ELL: variants seen among roughly 807,000 people sequenced by gnomAD.
ELL encodes the protein elongation factor for RNA polymerase II.
Under a neutral mutation model 64.0 loss-of-function variants are expected in ELL, and 18 were observed. That is an observed-to-expected ratio of 0.28 (90% CI 0.19 to 0.42). The LOEUF (loss-of-function observed/expected upper bound fraction) is 0.42, where lower values mean the gene tolerates loss of function less well. ELL is among the 10% of genes least tolerant of loss of function. The pLI, the probability that ELL is intolerant of heterozygous loss-of-function variation, is 1.00. For synonymous variants in ELL, 399 were observed against 376.2 expected, an observed-to-expected ratio of 1.06 and a Z score of -0.70; for missense variants, 797 against 870.4, an observed-to-expected ratio of 0.92 and a Z score of 1.06.
At chr19:18,496,631 C>T (rs1010875594) in intron 1 of ELL, among the ~76,000 whole-genome samples, 1 of 152,184 alleles carries the variant, frequency 6.6e-6, no homozygotes, top group African/African-American at 2.4e-5. Context: ...CAAGTCCAGG[C>T]ACAGGCCCTT....
chr19:18,444,931 C>A, intron 11 of ELL, 63 bp from the exon 12 acceptor site: 1 of 1,533,000 alleles, frequency 6.5e-7, no homozygotes, highest in Non-Finnish European at 8.8e-7. Context: ...CCGCTGTAAG[C>A]AGGCCAGTGT....
chr19:18,474,678 G>A (rs971605209), intron 1 of ELL, among the ~76,000 whole-genome samples: 2 of 152,242 alleles, frequency 1.3e-5, no homozygotes, highest in Non-Finnish European at 2.9e-5. Context: ...GTGCTACTGC[G>A]ACAAGGGGGG....
intron 11 of ELL, 50 bp from the exon 12 acceptor site, chr19:18,444,918 TCC>T (rs749369338): frequency 6.4e-7 from 1 of 1,562,754 alleles, no homozygotes; most frequent in South Asian, 1.2e-5. Context: ...TGGGTGCTGC[TCC>T]CCGCTGTAAG....
At chr19:18,495,985 C>T (rs755993310) in intron 1 of ELL, among the ~76,000 whole-genome samples, 51 of 152,244 alleles carry the variant, frequency 3.3e-4, no homozygotes, top group Non-Finnish European at 7.1e-4. Flanking sequence ...CTACCTGCTC[C>T]ACACAGTGGG....
At chr19:18,498,729 C>G (rs769148969) in intron 1 of ELL, among the ~76,000 whole-genome samples, 2 of 152,108 alleles carry the variant, frequency 1.3e-5, no homozygotes, top group Non-Finnish European at 2.9e-5. Flanking sequence ...GCGGGAGGAT[C>G]GCTTGAGCTC....
chr19:18,514,842 C>A (rs1247756246), intron 1 of ELL, among the ~76,000 whole-genome samples: 1 of 152,242 alleles, frequency 6.6e-6, no homozygotes, highest in African/African-American at 2.4e-5. Context: ...TTAAACAAGG[C>A]TGATGCCCCC....
chr19:18,512,617 A>G (rs951912605), intron 1 of ELL, among the ~76,000 whole-genome samples: 1 of 151,776 alleles, frequency 6.6e-6, no homozygotes, highest in African/African-American at 2.4e-5. Flanking sequence ...TCTATTTCAG[A>G]AAAAAAACAA....
At chr19:18,468,085 C>G (rs888409714) in intron 2 of ELL, among the ~76,000 whole-genome samples, 30 of 148,842 alleles carry the variant, frequency 2.0e-4, no homozygotes, top group African/African-American at 7.2e-4. Flanking sequence ...CCAAACCCCT[C>G]CACACACAAA....
chr19:18,465,610 T>C, intron 3 of ELL, 35 bp from the exon 4 acceptor site: 1 of 1,556,556 alleles, frequency 6.4e-7, no homozygotes. Context: ...GGTCAGCAGC[T>C]GGGACAATGC....
intron 2 of ELL, among the ~76,000 whole-genome samples, chr19:18,471,565 G>A (rs149644961): frequency 1.8e-3 from 270 of 152,258 alleles, no homozygotes; most frequent in African/African-American, 5.4e-3. Flanking sequence ...CTACTTGGGA[G>A]GCTTAGGCAG....
intron 1 of ELL, among the ~76,000 whole-genome samples, chr19:18,517,006 C>G (rs1042755740): frequency 2.6e-5 from 4 of 152,136 alleles, no homozygotes; most frequent in African/African-American, 9.7e-5. Flanking sequence ...TCCTCTCCAC[C>G]AAGGAGCTTG....
intron 1 of ELL, among the ~76,000 whole-genome samples, chr19:18,485,361 G>A (rs1975387553): frequency 1.3e-5 from 2 of 152,144 alleles, no homozygotes; most frequent in African/African-American, 4.8e-5. Context: ...ACTGCTATTA[G>A]AGCGCCTCCT....
intron 1 of ELL, among the ~76,000 whole-genome samples, chr19:18,499,354 A>T (rs1975732299): frequency 6.6e-6 from 1 of 152,238 alleles, no homozygotes; most frequent in Non-Finnish European, 1.5e-5. Context: ...TTTGTCACAC[A>T]GGGTGATGAT....
At chr19:18,453,912 T>C (rs1292243935) in intron 6 of ELL, among the ~76,000 whole-genome samples, 1 of 152,288 alleles carries the variant, frequency 6.6e-6, no homozygotes, top group East Asian at 1.9e-4. Flanking sequence ...ACAGATTACA[T>C]GTCAGCCACA....
chr19:18,461,426 G>T, intron 5 of ELL, 152 bp downstream of exon 5: 1 of 1,227,518 alleles, frequency 8.1e-7, no homozygotes, highest in Non-Finnish European at 1.1e-6. Context: ...GGAGGCCCTG[G>T]CTCTCAGGCA....
chr19:18,502,270 C>G (rs1046671008), intron 1 of ELL, among the ~76,000 whole-genome samples: 6 of 152,102 alleles, frequency 3.9e-5, no homozygotes, highest in Non-Finnish European at 5.9e-5. Flanking sequence ...ACATGACCAC[C>G]CTAGGGTGGA....
In ELL at chr19:18,445,989, G is replaced by A. The variant is rs560688059; in HGVS notation, c.1704+320C>T. On this transcript the variant is annotated intron_variant, in intron 10 of 11. Coordinates refer to ENST00000262809, the MANE Select transcript of ELL (RefSeq NM_006532.4). ...CAGGTACCAAGAGCCCTGTGTCCTA[G>A]GCTGTGAGAGGACCCCAGGCGCTCA... Among the ~76,000 whole-genome samples the A allele has an allele frequency of 2.6e-5, 4 of 152,168 alleles. No individual in the cohort carries two copies. The South Asian group carries it at 6.2e-4, about 24-fold the overall frequency.
chr19:18,463,519 G>A (rs1431832838), intron 4 of ELL, among the ~76,000 whole-genome samples: 1 of 151,732 alleles, frequency 6.6e-6, no homozygotes, highest in African/African-American at 2.4e-5. Flanking sequence ...ATTTTTAGTA[G>A]AGATGGGGTT....
At chr19:18,484,510 G>A (rs143226434) in intron 1 of ELL, among the ~76,000 whole-genome samples, 51 of 152,204 alleles carry the variant, frequency 3.4e-4, no homozygotes, top group African/African-American at 1.2e-3. Context: ...GTGTGGTAAT[G>A]CGCACCTGCA....
Sources: allele counts gnomAD v4.1 joint callset (sites outside exome capture counted in the v4.1 genomes callset), GRCh38; gene constraint gnomAD v4.1.1; transcripts MANE v1.5; gene names NCBI Gene and HGNC (gene_info 2026-07-23, HGNC 2026-07-21).